P4HTM: variants seen among roughly 807,000 people sequenced by gnomAD.
P4HTM encodes prolyl 4-hydroxylase, transmembrane, also known as transmembrane prolyl 4-hydroxylase.
A neutral mutation model predicts 55.3 loss-of-function variants in P4HTM; 33 were observed. That is an observed-to-expected ratio of 0.60 (90% CI 0.45 to 0.80). The LOEUF is 0.80. P4HTM is among the 30% of genes least tolerant of loss of function. P4HTM has a pLI of 0.00. For missense variants in P4HTM, 542 were observed against 696.5 expected (o/e 0.78, Z 2.50); for synonymous variants, 272 against 286.4 (o/e 0.95, Z 0.51).
chr3:49,002,423 A>G lies in P4HTM; in HGVS notation c.628-77A>G, dbSNP rs535316526. On this transcript the variant is annotated intron_variant, in intron 3 of 8. Coordinates refer to ENST00000383729, the MANE Select transcript of P4HTM (RefSeq NM_177939.3). The surrounding 1 kb of genome is among the most constrained non-coding windows in gnomAD (Gnocchi z 4.4). ...CCTCACCTGAACACTTTGCTCCACA[A>G]CAAGCACTGGGCCATCTGTTCTCTG... is the stretch of plus-strand genomic sequence containing the variant. The G allele has an allele frequency of 9.1e-5, 98 of 1,075,216 alleles. No individual in the cohort carries two copies. The highest frequency in any genetic ancestry group is 1.3e-4 in the Non-Finnish European group (91 of 701,582). The allele number at this position is 1,075,216 out of a possible 1,614,324, so 66.6% of individuals were successfully genotyped here. A position where few individuals can be genotyped will look rare whatever the true frequency, so the allele number is the denominator to read the frequency against.
At chr3:48,993,174 T>C (rs2092935778) in intron 2 of P4HTM, among the ~76,000 whole-genome samples, 2 of 151,786 alleles carry the variant, frequency 1.3e-5, no homozygotes, top group Admixed American at 1.3e-4. Context: ...TTGTGGCACA[T>C]GCCTGTAATC....
chr3:48,991,933 A>G (rs1313773275), intron 2 of P4HTM: 1 of 152,210 alleles, frequency 6.6e-6, no homozygotes, highest in Non-Finnish European at 1.5e-5. Flanking sequence ...AGCACAAGTC[A>G]TTACCTCCAA....
chr3:48,993,526 G>C (rs1355534641), intron 2 of P4HTM, among the ~76,000 whole-genome samples: 19 of 151,998 alleles, frequency 1.3e-4, no homozygotes, highest in African/African-American at 4.4e-4. Context: ...GGTTAAGTAA[G>C]CCATGAAGCC....
intron 2 of P4HTM, chr3:48,997,731 G>C (rs532846197): frequency 6.6e-6 from 1 of 152,328 alleles, no homozygotes; most frequent in South Asian, 2.1e-4. Flanking sequence ...AATGTCCTAT[G>C]CTTGTAAAGG....
Position 49,005,022 on chromosome 3 carries a change from C to T in P4HTM, c.1049C>T (p.Ser350Phe). The change falls in exon 6 of 9, where the codon TCT becomes TTT. Residue 350 changes from serine (S) to phenylalanine (F), a missense_variant. Around this residue, in one of 2 missense-constraint regions of P4HTM, gnomAD observed 536 missense variants for 672.1 expected, o/e 0.80. Transcript: ENST00000383729. ...CATACCAAGCTGGTAGCCAACGAGT[C>T]TGTACCCTTCGAGACCTCCTGCCGG... ...CSHTKLVANE[S>F]VPFETSCRYM... The T allele has an allele frequency of 6.2e-7, 1 of 1,614,136 alleles. No individual in the cohort carries two copies. Among genetic ancestry groups the T allele is most frequent in the Non-Finnish European group, 8.5e-7 (1 of 1,180,046 alleles).
chr3:48,993,954 T>G (rs904817800), intron 2 of P4HTM, among the ~76,000 whole-genome samples: 15 of 149,052 alleles, frequency 1.0e-4, no homozygotes, highest in Non-Finnish European at 2.1e-4. Flanking sequence ...TGACAAAAGG[T>G]AAACTGGTTC....
At position 49,006,065 on chromosome 3, in the gene P4HTM, GTC is replaced by G; in HGVS notation, c.1168_1169del (p.Leu390AspfsTer4). 2 of 1,612,010 alleles carry G rather than the reference GTC, an allele frequency of 1.2e-6. No individual in the cohort carries two copies. The highest frequency in any genetic ancestry group is 2.2e-5 in the East Asian group (1 of 44,830). On this transcript the variant is annotated frameshift_variant and splice_region_variant, in exon 8 of 9. Transcript: ENST00000383729. LOFTEE classifies it high-confidence loss of function. ...ACCCCACCACCCTGCTGCCCACAGA[GTC>G]TGATTCAGGATGACGTGGACCTCCG...
At position 48,990,514 on chromosome 3, in the gene P4HTM, C is replaced by T. The variant is rs757384382; in HGVS notation, c.258C>T (p.Asn86=). Residue 86 remains asparagine, a synonymous_variant, in exon 1 of 9, where the codon AAC becomes AAT. Transcript: ENST00000383729. This position sits in a 1 kb window ranked among gnomAD's most constrained non-coding sequence, Gnocchi z 7.2. The part of the protein sequence containing the change: ...LALLLFVHYS[N]GDESSDPGPQ... ...TGCTGCTCTTCGTGCACTACAGCAA[C>T]GGCGACGAAAGCAGCGATCCCGGGC... The T allele has an allele frequency of 6.2e-7, 1 of 1,611,242 alleles. No individual in the cohort carries two copies.
At position 48,994,168 on chromosome 3, in the gene P4HTM, G is replaced by T. The variant is rs2092938879; in HGVS notation, c.436+3254G>T. On this transcript the variant is annotated intron_variant, in intron 2 of 8. Transcript: ENST00000383729. ...CAGCAGGAGCAGTGTCTGTCTTCTG[G>T]GCCTGCCTGTCCCTCTGTCCATTGG... Among the ~76,000 whole-genome samples the T allele has an allele frequency of 2.0e-5, 3 of 152,104 alleles. No homozygotes were observed. In the South Asian group the frequency reaches 6.2e-4, roughly 32 times the overall value.
At position 49,001,802 on chromosome 3, in the gene P4HTM, A is replaced by T. The variant is rs185898197; in HGVS notation, c.627+174A>T. Among the ~76,000 whole-genome samples, 109 of 152,298 alleles carry T rather than the reference A, an allele frequency of 7.2e-4. 1 individual carries two copies. Among genetic ancestry groups the T allele is most frequent in the African/African-American group, 2.5e-3 (102 of 41,554 alleles). ...CTTTCCCTCTGGAGAGCTCTTGGCT[A>T]CCCTGGGAACCTCAGAAGATGGCAG... is the stretch of plus-strand genomic sequence containing the variant. On this transcript the variant is annotated intron_variant, in intron 3 of 8. Transcript: ENST00000383729.
intron 2 of P4HTM, among the ~76,000 whole-genome samples, chr3:48,993,480 C>T (rs1160214881): frequency 6.6e-6 from 1 of 152,056 alleles, no homozygotes; most frequent in Admixed American, 6.6e-5. Flanking sequence ...AGCAGCCTTC[C>T]TGGGATCTGT....
At chr3:49,001,731 G>T in intron 3 of P4HTM, 103 bp downstream of exon 3, 4 of 1,043,174 alleles carry the variant, frequency 3.8e-6, no homozygotes, top group Non-Finnish European at 5.6e-6. Flanking sequence ...CCAAAAGTCA[G>T]ATACTACCCA....
At chr3:48,989,992 A>G (rs548638497), upstream of P4HTM, 442 of 177,282 alleles carry the variant, frequency 2.5e-3, 4 homozygotes, top group African/African-American at 9.9e-3. Context: ...TACGCTTGGG[A>G]CCTTGGCTTC....
rs766973034 is a variant in P4HTM, at chr3:49,006,823, C to T, written c.1425C>T (p.Ala475=). ...ARQALFQQEM[A]RLAREGGTDS... ...AAGCGCTGTTCCAACAGGAGATGGC[C>T]CGCCTTGCCCGAGAAGGGGGCACCG... is the stretch of plus-strand genomic sequence containing the variant. The change falls in exon 9 of 9, where the codon GCC becomes GCT. Residue 475 remains alanine, a synonymous_variant. Coordinates refer to ENST00000383729, the MANE Select transcript of P4HTM (RefSeq NM_177939.3). 1 of 1,613,342 alleles carries T rather than the reference C, an allele frequency of 6.2e-7. No individual in the cohort carries two copies. Among genetic ancestry groups the T allele is most frequent in the Non-Finnish European group, 8.5e-7 (1 of 1,180,006 alleles).
At chr3:48,993,086 C>T (rs2092935420) in intron 2 of P4HTM, among the ~76,000 whole-genome samples, 1 of 151,966 alleles carries the variant, frequency 6.6e-6, no homozygotes, top group African/African-American at 2.4e-5. Flanking sequence ...GGTGGATCAC[C>T]TGAGGTCAGG....
Position 49,007,023 on chromosome 3 carries a change from C to A in P4HTM, c.*116C>A. 1 of 835,850 alleles carries A rather than the reference C, an allele frequency of 1.2e-6. No individual in the cohort carries two copies. Among genetic ancestry groups the A allele is most frequent in the Non-Finnish European group, 1.9e-6 (1 of 534,170 alleles). The allele number at this position is 835,850 out of a possible 1,614,324, so 51.8% of individuals were successfully genotyped here. A position where few individuals can be genotyped will look rare whatever the true frequency, so the allele number is the denominator to read the frequency against. On this transcript the variant is annotated 3_prime_UTR_variant, in exon 9 of 9. Coordinates refer to ENST00000383729, the MANE Select transcript of P4HTM (RefSeq NM_177939.3). This position sits in a 1 kb window ranked among gnomAD's most constrained non-coding sequence, Gnocchi z 5.1. ...GTCTGGCCAATGTCTTGCCCCACCC[C>A]GCCAGCCGCGATACGGCGCAGTTCC...
intron 2 of P4HTM, among the ~76,000 whole-genome samples, chr3:48,993,023 G>A (rs1404296789): frequency 2.6e-5 from 4 of 152,082 alleles, no homozygotes; most frequent in Non-Finnish European, 5.9e-5. Flanking sequence ...TTTGAGCAAG[G>A]CTGGGCGCGG....
At chr3:48,990,146 C>T (rs1267091730), upstream of P4HTM, 7 of 1,005,730 alleles carry the variant, frequency 7.0e-6, no homozygotes, top group East Asian at 4.0e-4. This position sits in a 1 kb window ranked among gnomAD's most constrained non-coding sequence, Gnocchi z 7.2. Flanking sequence ...CCCCAGGCAC[C>T]GTCTCCTAGT....
intron 7 of P4HTM, 29 bp downstream of exon 7, chr3:49,005,896 T>A (rs1333221933): frequency 1.3e-6 from 2 of 1,533,022 alleles, no homozygotes; most frequent in African/African-American, 1.4e-5. Flanking sequence ...ATTACTCTTG[T>A]GGGCTGGCAG....
Sources: allele counts gnomAD v4.1 joint callset (sites outside exome capture counted in the v4.1 genomes callset), GRCh38; gene constraint gnomAD v4.1.1; regional missense constraint gnomAD v4.1.1; non-coding constraint Gnocchi (gnomAD v3.1); transcripts MANE v1.5; gene names NCBI Gene and HGNC (gene_info 2026-07-23, HGNC 2026-07-21).